GRM4: variants seen among roughly 807,000 people sequenced by gnomAD.
GRM4 encodes glutamate metabotropic receptor 4.
In GRM4, 28 loss-of-function variants were observed where a neutral mutation model predicts 81.7. The observed-to-expected ratio is 0.34, with a 90% CI of 0.25 to 0.47. The LOEUF (loss-of-function observed/expected upper bound fraction) is 0.47, where lower values mean the gene tolerates loss of function less well. Among genes scored for constraint, GRM4 ranks in the 20% least tolerant of loss-of-function variants. GRM4 has a pLI of 1.00. For synonymous variants in GRM4, 488 were observed against 528.8 expected (o/e 0.92, Z 1.06); for missense variants, 948 against 1,290.0 (o/e 0.73, Z 4.06).
chr6:34,033,276 T>A (rs962852581), intron 9 of GRM4, among the ~76,000 whole-genome samples: 7 of 152,132 alleles, frequency 4.6e-5, no homozygotes, highest in African/African-American at 1.4e-4. Flanking sequence ...AAGGTCTGCC[T>A]CTTAGGGCCC....
chr6:34,104,269 C>T (rs1213573089), intron 2 of GRM4, among the ~76,000 whole-genome samples: 1 of 152,172 alleles, frequency 6.6e-6, no homozygotes, highest in African/African-American at 2.4e-5. Flanking sequence ...TGGGCTTCCC[C>T]GGGGCTGGGG....
At position 34,111,824 on chromosome 6, in the gene GRM4, CT is replaced by C. The variant is rs527605786; in HGVS notation, c.520-19726del. Among the ~76,000 whole-genome samples, 61 of 152,324 alleles carry C rather than the reference CT, an allele frequency of 4.0e-4. 1 individual carries two copies. The East Asian group carries it at 6.4e-3, about 16-fold the overall frequency. On this transcript the variant is annotated intron_variant, in intron 2 of 10. Coordinates refer to ENST00000538487, the MANE Select transcript of GRM4 (RefSeq NM_000841.4). This position sits in a 1 kb window ranked among gnomAD's most constrained non-coding sequence, Gnocchi z 5.1. Reference sequence around the variant, plus strand: ...TGGGCTGATGTTGGCAGCATTGCCCCTCTCCTCAGTCACCAGCCTGCCCAGG... The same window carrying C: ...TGGGCTGATGTTGGCAGCATTGCCCCCTCCTCAGTCACCAGCCTGCCCAGG...
chr6:34,067,592 CCCTTTCTTCCTCCCTTCATG>C (rs144894816), intron 3 of GRM4, among the ~76,000 whole-genome samples: 18,594 of 148,740 alleles, frequency 0.13, 1,651 homozygotes, highest in African/African-American at 0.25. Flanking sequence ...TTTCCTCCCT[CCCTTTCTTCCTCCCTTCATG>C]CCTTCCTCCC....
At chr6:34,046,255 T>G (rs1765357167) in intron 6 of GRM4, among the ~76,000 whole-genome samples, 1 of 152,134 alleles carries the variant, frequency 6.6e-6, no homozygotes, top group African/African-American at 2.4e-5. Context: ...TACACAAACC[T>G]TCATGCATTT....
At chr6:34,143,372 G>C (rs1294484131) in intron 1 of GRM4, among the ~76,000 whole-genome samples, 1 of 151,904 alleles carries the variant, frequency 6.6e-6, no homozygotes, top group African/African-American at 2.4e-5. Flanking sequence ...GAGGGGACAA[G>C]GCTCCAACCT....
rs769038670 is a variant in GRM4 at position 34,155,284 on chromosome 6, G to A, written c.107C>T (p.Ser36Phe). ...GCGGCAGGTGAGGTTTCCTTGGTGG[G>A]AGGAAGGTGGGGTACAGGGGTGGGG... Residue 36 changes from serine to phenylalanine, a missense_variant, in exon 1 of 9, where the codon TCC becomes TTC. Transcript: ENST00000374177. 17 of 1,533,912 alleles carry A rather than the reference G, an allele frequency of 1.1e-5. No homozygotes were observed. The Admixed American group carries it at 2.0e-4, about 18-fold the overall frequency.
rs1377043527 is a variant in GRM4 at position 34,036,039 on chromosome 6, G to T, written c.2071C>A (p.Pro691Thr). The stretch of plus-strand genomic sequence containing the variant: ...TGTGAGGCGGGGCTGATGAAGCGTG[G>T]GGCACTGACCGAGCGCTTGCCCTGC... ...FEQGKRSVSA[P>T]RFISPASQLA... Residue 691 changes from proline (P) to threonine (T), a missense_variant, in exon 9 of 11, where the codon CCA becomes ACA. By Grantham distance (38) the Pro-to-Thr change is conservative. Coordinates refer to ENST00000538487, the MANE Select transcript of GRM4 (RefSeq NM_000841.4). This position sits in a 1 kb window ranked among gnomAD's most constrained non-coding sequence, Gnocchi z 9.0. The T allele has an allele frequency of 1.2e-6, 2 of 1,614,152 alleles. No individual in the cohort carries two copies. The highest frequency in any genetic ancestry group is 1.7e-6 in the Non-Finnish European group (2 of 1,180,028).
rs1764639883 is a variant in GRM4, at chr6:34,035,483, C to G, written c.2442+185G>C. Reference sequence around the variant, plus strand: ...GAAAACCCAGAACCCAGAGAGAAAACTTGCAGCTGGGAGAGAAGGCAGAAT... The same window carrying G: ...GAAAACCCAGAACCCAGAGAGAAAAGTTGCAGCTGGGAGAGAAGGCAGAAT... On this transcript the variant is annotated intron_variant, in intron 9 of 10. Transcript: ENST00000538487. The surrounding 1 kb of genome is among the most constrained non-coding windows in gnomAD (Gnocchi z 6.6). Among the ~76,000 whole-genome samples the G allele has an allele frequency of 7.6e-6, 1 of 131,124 alleles. No homozygotes were observed. The highest frequency in any genetic ancestry group is 1.5e-5 in the Non-Finnish European group (1 of 64,872). 86.0% of individuals were successfully genotyped at this position (131,124 alleles called of 152,430 possible).
rs573917982 is a variant in GRM4, at chr6:34,028,856, C to A, written c.2443-490G>T. Among the ~76,000 whole-genome samples, 4 of 152,282 alleles carry A rather than the reference C, an allele frequency of 2.6e-5. No homozygotes were observed. The East Asian group carries it at 7.7e-4, about 29-fold the overall frequency. ...ATAACACCCAGTGGCCACGTCACAG[C>A]CCCTCGGATCAGACCTCCATTCAAT... On this transcript the variant is annotated intron_variant, in intron 9 of 10. Coordinates refer to ENST00000538487, the MANE Select transcript of GRM4 (RefSeq NM_000841.4).
chr6:34,124,676 C>T (rs1024716909), intron 2 of GRM4, among the ~76,000 whole-genome samples: 1 of 152,228 alleles, frequency 6.6e-6, no homozygotes, highest in Non-Finnish European at 1.5e-5. Flanking sequence ...CCAAGTGATT[C>T]CAATGTGCAG....
At chr6:34,144,113 G>A (rs905982303) in intron 1 of GRM4, among the ~76,000 whole-genome samples, 1 of 152,240 alleles carries the variant, frequency 6.6e-6, no homozygotes, top group Non-Finnish European at 1.5e-5. Context: ...CTGAAAGTCT[G>A]AGGGCGGGAT....
rs1211824259 is a variant in GRM4 at position 34,021,462 on chromosome 6, T to C, written c.*1359A>G. 2.0e-5 allele frequency: 3 copies of C among 152,184 alleles called. 1 individual carries two copies. The East Asian group carries it at 5.8e-4, about 29-fold the overall frequency. 9.4% of individuals were successfully genotyped at this position (152,184 alleles called of 1,614,324 possible). On this transcript the variant is annotated 3_prime_UTR_variant, in exon 11 of 11. Coordinates refer to ENST00000538487, the MANE Select transcript of GRM4 (RefSeq NM_000841.4). The surrounding 1 kb of genome is among the most constrained non-coding windows in gnomAD (Gnocchi z 5.3). The stretch of plus-strand genomic sequence containing the variant: ...CTTCTCAAGAAGAGGACTTCCTGGC[T>C]GGAAGGAGAGAGGCACAGGTTATGG...
At chr6:34,106,844 C>T (rs1300891026) in intron 2 of GRM4, among the ~76,000 whole-genome samples, 1 of 152,280 alleles carries the variant, frequency 6.6e-6, no homozygotes, top group Non-Finnish European at 1.5e-5. Flanking sequence ...ATGACAACTA[C>T]AAACAGGCGA....
chr6:34,079,403 A>G (rs1019624532), intron 3 of GRM4, among the ~76,000 whole-genome samples: 1 of 152,210 alleles, frequency 6.6e-6, no homozygotes. Flanking sequence ...CAGTTTAGCC[A>G]GAGACACAAG....
intron 2 of GRM4, among the ~76,000 whole-genome samples, chr6:34,127,296 A>G (rs1188201214): frequency 6.6e-6 from 1 of 152,248 alleles, no homozygotes; most frequent in African/African-American, 2.4e-5. Context: ...GCTGAATGAG[A>G]AAGATCCAGC....
intron 2 of GRM4, among the ~76,000 whole-genome samples, chr6:34,106,690 A>C (rs1032182811): frequency 2.6e-5 from 4 of 152,152 alleles, no homozygotes; most frequent in Non-Finnish European, 5.9e-5. Context: ...TCACGCATCT[A>C]GTGAGGACTG....
intron 1 of GRM4, among the ~76,000 whole-genome samples, chr6:34,145,279 C>A (rs1410636790): frequency 4.0e-5 from 6 of 151,798 alleles, no homozygotes; most frequent in Admixed American, 3.9e-4. Flanking sequence ...CAGGGATGAG[C>A]TGGCGGCCGC....
In GRM4 at chr6:34,056,672, T is replaced by G; in HGVS notation, c.1040A>C (p.Tyr347Ser). The stretch of plus-strand genomic sequence containing the variant: ...GTTGTCCAGCGTGCGGCTGGAGAAG[T>G]AGCGGTCGAAGCCTGGCAGGGAACC... ...KRMSVRGFDR[Y>S]FSSRTLDNNR... The change falls in exon 6 of 11, where the codon TAC becomes TCC. Residue 347 changes from tyrosine (Y) to serine (S), a missense_variant. Transcript: ENST00000538487. 6.2e-7 allele frequency: 1 copy of G among 1,613,358 alleles called. No homozygotes were observed. The highest frequency in any genetic ancestry group is 8.5e-7 in the Non-Finnish European group (1 of 1,179,796).
At chr6:34,043,543 G>A (rs1190790027) in intron 6 of GRM4, among the ~76,000 whole-genome samples, 1 of 152,188 alleles carries the variant, frequency 6.6e-6, no homozygotes, top group Non-Finnish European at 1.5e-5. Context: ...CAGGGATGGA[G>A]TGGGAGGCTA....
Sources: allele counts gnomAD v4.1 joint callset (sites outside exome capture counted in the v4.1 genomes callset), GRCh38; gene constraint gnomAD v4.1.1; non-coding constraint Gnocchi (gnomAD v3.1); transcripts MANE v1.5; gene names NCBI Gene and HGNC (gene_info 2026-07-23, HGNC 2026-07-21).